PCDHGA5: variants seen among roughly 807,000 people sequenced by gnomAD.
PCDHGA5 encodes protocadherin gamma subfamily A, 5, also known as protocadherin gamma-A5.
Under a neutral mutation model 56.7 loss-of-function variants are expected in PCDHGA5, and 36 were observed. That is an observed-to-expected ratio of 0.64 (90% CI 0.49 to 0.84). PCDHGA5 has a LOEUF of 0.84. PCDHGA5 is among the 40% of genes least tolerant of loss of function. PCDHGA5 has a pLI of 0.00. For missense variants in PCDHGA5, 1,305 were observed against 1,201.5 expected, an observed-to-expected ratio of 1.09 and a Z score of -1.27; for synonymous variants, 563 against 520.2, an observed-to-expected ratio of 1.08 and a Z score of -1.12.
intron 1 of PCDHGA5, chr5:141,414,177 T>G (rs370827396): frequency 1.7e-5 from 28 of 1,607,906 alleles, no homozygotes; most frequent in Non-Finnish European, 2.2e-5. Flanking sequence ...ATCTTGCAAC[T>G]GCAAAAGTGT....
intron 1 of PCDHGA5, chr5:141,424,304 C>T (rs909355692): frequency 2.0e-5 from 3 of 152,464 alleles, no homozygotes; most frequent in Admixed American, 2.0e-4. Flanking sequence ...CCTATCAACA[C>T]AGACATATTG....
chr5:141,422,575 C>G, intron 1 of PCDHGA5: 1 of 1,613,976 alleles, frequency 6.2e-7, no homozygotes, highest in Non-Finnish European at 8.5e-7. Flanking sequence ...CAACGATAAC[C>G]CTCCCGTTTT....
chr5:141,485,866 C>T lies in PCDHGA5; in HGVS notation c.2422-8941C>T. The T allele has an allele frequency of 2.5e-6, 4 of 1,614,144 alleles. No individual in the cohort carries two copies. Among genetic ancestry groups the T allele is most frequent in the Non-Finnish European group, 3.4e-6 (4 of 1,180,014 alleles). On this transcript the variant is annotated intron_variant, in intron 1 of 3. Coordinates refer to ENST00000518069, the MANE Select transcript of PCDHGA5 (RefSeq NM_018918.3). The surrounding 1 kb of genome is among the most constrained non-coding windows in gnomAD (Gnocchi z 5.7). ...CTGGCACCGCAGAGCTCCGGGTATCCGTGCTGGACGTAAACGACAACGCCC... is the reference window on the plus strand; with the variant it reads ...CTGGCACCGCAGAGCTCCGGGTATCTGTGCTGGACGTAAACGACAACGCCC...
intron 1 of PCDHGA5, chr5:141,394,181 C>T (rs1232533966): frequency 1.2e-6 from 2 of 1,613,928 alleles, no homozygotes; most frequent in East Asian, 4.5e-5. Flanking sequence ...CTCATGCCTC[C>T]TACTCAGCGT....
intron 1 of PCDHGA5, chr5:141,388,386 C>G: frequency 6.2e-7 from 1 of 1,613,944 alleles, no homozygotes; most frequent in Non-Finnish European, 8.5e-7. Flanking sequence ...CAACACACTG[C>G]AGAATTACCA....
chr5:141,405,138 G>A (rs777486710), intron 1 of PCDHGA5: 4 of 1,613,962 alleles, frequency 2.5e-6, no homozygotes, highest in Non-Finnish European at 3.4e-6. Flanking sequence ...CGGGCTACCA[G>A]TGATGGGTTG....
chr5:141,483,887 C>G (rs147069309), intron 1 of PCDHGA5, among the ~76,000 whole-genome samples: 13 of 152,036 alleles, frequency 8.6e-5, no homozygotes, highest in Non-Finnish European at 1.2e-4. Context: ...TTTTCTATTT[C>G]TCTGAGCTCT....
intron 2 of PCDHGA5, among the ~76,000 whole-genome samples, chr5:141,495,128 G>T (rs1408872159): frequency 2.6e-5 from 4 of 152,160 alleles, no homozygotes; most frequent in African/African-American, 9.7e-5. Flanking sequence ...TCCCCTGAGG[G>T]CACTGTGGAA....
intron 1 of PCDHGA5, chr5:141,417,547 G>C (rs756455730): frequency 9.7e-5 from 31 of 318,264 alleles, no homozygotes; most frequent in Non-Finnish European, 1.5e-4. Flanking sequence ...AAAATTCCTT[G>C]AAAGAGGTAG....
chr5:141,443,093 C>G (rs1316602934), intron 1 of PCDHGA5, among the ~76,000 whole-genome samples: 2 of 151,940 alleles, frequency 1.3e-5, no homozygotes, highest in African/African-American at 4.8e-5. Flanking sequence ...CAGTCTCCTT[C>G]TCAAGCTGAA....
chr5:141,434,480 C>T (rs777049751), intron 1 of PCDHGA5, among the ~76,000 whole-genome samples: 6 of 152,194 alleles, frequency 3.9e-5, no homozygotes, highest in Non-Finnish European at 5.9e-5. Context: ...GGGCAAGGAA[C>T]ACCTGGCCCG....
chr5:141,409,639 G>A, intron 1 of PCDHGA5: 1 of 1,613,760 alleles, frequency 6.2e-7, no homozygotes, highest in Non-Finnish European at 8.5e-7. Flanking sequence ...CCTCTGACCC[G>A]GATTTGGGGC....
chr5:141,391,570 A>G (rs931571256), intron 1 of PCDHGA5: 4 of 152,236 alleles, frequency 2.6e-5, no homozygotes, highest in African/African-American at 7.2e-5. Context: ...TGCATAAGAA[A>G]ATATATTCAC....
At chr5:141,461,830 CTT>C (rs1030113508) in intron 1 of PCDHGA5, among the ~76,000 whole-genome samples, 1 of 145,180 alleles carries the variant, frequency 6.9e-6, no homozygotes, top group Non-Finnish European at 1.5e-5. Context: ...ATTTTTTTTT[CTT>C]TTTTTTTTGA....
intron 1 of PCDHGA5, chr5:141,423,156 C>T (rs62378456): frequency 0.034 from 55,171 of 1,613,388 alleles, 1,070 homozygotes; most frequent in Middle Eastern, 0.098. Context: ...AGCAGAGCCT[C>T]GTGGTGGCCG....
chr5:141,467,015 T>C (rs1423064392), intron 1 of PCDHGA5, among the ~76,000 whole-genome samples: 1 of 152,072 alleles, frequency 6.6e-6, no homozygotes. Flanking sequence ...GCAATTTTTT[T>C]CCCTTTGTTT....
intron 1 of PCDHGA5, among the ~76,000 whole-genome samples, chr5:141,401,525 G>A (rs1055771013): frequency 6.6e-6 from 1 of 152,096 alleles, no homozygotes; most frequent in Non-Finnish European, 1.5e-5. Flanking sequence ...ATTACCAGAA[G>A]AAACTTACAA....
At chr5:141,427,422 G>C (rs922637577) in intron 1 of PCDHGA5, 1 of 468,292 alleles carries the variant, frequency 2.1e-6, no homozygotes, top group Non-Finnish European at 4.3e-6. Context: ...AAATGGGGAG[G>C]TTACATGCCT....
intron 1 of PCDHGA5, chr5:141,376,546 T>TC (rs1388461293): frequency 6.2e-7 from 1 of 1,612,610 alleles, no homozygotes; most frequent in Non-Finnish European, 8.5e-7. Context: ...AGTAATCTGA[T>TC]CTTCCCGCAA....
Sources: allele counts gnomAD v4.1 joint callset (sites outside exome capture counted in the v4.1 genomes callset), GRCh38; gene constraint gnomAD v4.1.1; non-coding constraint Gnocchi (gnomAD v3.1); transcripts MANE v1.5; gene names NCBI Gene and HGNC (gene_info 2026-07-23, HGNC 2026-07-21).